FUBP3: variants seen among roughly 807,000 people sequenced by gnomAD.
FUBP3 encodes far upstream element-binding protein 3.
Under a neutral mutation model 85.6 loss-of-function variants are expected in FUBP3, and 28 were observed. The ratio of observed to expected loss-of-function variants is 0.33; its 90% CI spans 0.24 to 0.45. The LOEUF (loss-of-function observed/expected upper bound fraction) is 0.45. Among genes scored for constraint, FUBP3 ranks in the 20% least tolerant of loss-of-function variants. The probability of loss-of-function intolerance (pLI) is 1.00; values close to 1 mark genes in which losing one functional copy is unlikely to be tolerated. For missense variants in FUBP3, 583 were observed against 755.1 expected (o/e 0.77, Z 2.67); for synonymous variants, 271 against 271.4 (o/e 1.00, Z 0.01).
chr9:130,579,582 C>A lies in FUBP3; in HGVS notation c.-99C>A. 1 of 745,350 alleles carries A rather than the reference C, an allele frequency of 1.3e-6. No homozygotes were observed. Among genetic ancestry groups the A allele is most frequent in the Non-Finnish European group, 1.8e-6 (1 of 547,344 alleles). The allele number at this position is 745,350 out of a possible 1,614,324, so 46.2% of individuals were successfully genotyped here. A position where few individuals can be genotyped will look rare whatever the true frequency, so the allele number is the denominator to read the frequency against. Reference sequence around the variant, plus strand: ...CCGGAAGTAGGGCGACTTTCCTTTTCCGGCTACGGGTCCCCAAGCGGAGCG... The same window carrying A: ...CCGGAAGTAGGGCGACTTTCCTTTTACGGCTACGGGTCCCCAAGCGGAGCG... On this transcript the variant is annotated 5_prime_UTR_variant, in exon 1 of 19. Coordinates refer to ENST00000319725, the MANE Select transcript of FUBP3 (RefSeq NM_003934.2).
chr9:130,597,270 A>G (rs1353110222), intron 2 of FUBP3, among the ~76,000 whole-genome samples: 1 of 152,208 alleles, frequency 6.6e-6, no homozygotes, highest in Non-Finnish European at 1.5e-5. Context: ...GTTTTTAAAT[A>G]GACCCAAATA....
intron 1 of FUBP3, chr9:130,581,498 A>G (rs1435778308): frequency 6.6e-6 from 1 of 152,204 alleles, no homozygotes; most frequent in Admixed American, 6.5e-5. Context: ...GCCTTTAAAA[A>G]CTAAAGAAAA....
chr9:130,596,881 C>G (rs141536268), intron 2 of FUBP3, among the ~76,000 whole-genome samples: 1 of 152,086 alleles, frequency 6.6e-6, no homozygotes, highest in African/African-American at 2.4e-5. Context: ...ACGGGGGTAT[C>G]CATCCCCTCA....
In FUBP3 at chr9:130,637,321, A is replaced by G. The variant is rs1226861137; in HGVS notation, c.*299A>G. The G allele has an allele frequency of 5.2e-5, 20 of 383,396 alleles. No individual in the cohort carries two copies. The highest frequency in any genetic ancestry group is 5.1e-4 in the East Asian group (11 of 21,478). The allele number at this position is 383,396 out of a possible 1,614,324, so 23.7% of individuals were successfully genotyped here. On this transcript the variant is annotated 3_prime_UTR_variant, in exon 19 of 19. Transcript: ENST00000319725. ...TGCCTCAGAGCTGTGACATTTCAACATGATGGTTTTGGTTTGGTTTGGTTT... is the reference window on the plus strand; with the variant it reads ...TGCCTCAGAGCTGTGACATTTCAACGTGATGGTTTTGGTTTGGTTTGGTTT...
At chr9:130,594,724 A>C (rs1352897187) in intron 1 of FUBP3, among the ~76,000 whole-genome samples, 4 of 152,104 alleles carry the variant, frequency 2.6e-5, no homozygotes, top group Admixed American at 6.5e-5. Flanking sequence ...ACATCACTGC[A>C]CTCCAGCCTG....
At chr9:130,606,395 C>G (rs559334365) in intron 2 of FUBP3, among the ~76,000 whole-genome samples, 42 of 152,308 alleles carry the variant, frequency 2.8e-4, no homozygotes, top group Middle Eastern at 3.4e-3. Context: ...CCCACCCCCC[C>G]CCAACAGACT....
intron 1 of FUBP3, among the ~76,000 whole-genome samples, chr9:130,587,047 C>T (rs190423342): frequency 0.015 from 1,976 of 128,790 alleles, 48 homozygotes; most frequent in African/African-American, 0.056. Flanking sequence ...CTGCACCCGG[C>T]GTTTTTTGTT....
At chr9:130,603,730 G>A (rs1831282439) in intron 2 of FUBP3, among the ~76,000 whole-genome samples, 3 of 152,198 alleles carry the variant, frequency 2.0e-5, no homozygotes, top group Admixed American at 1.3e-4. Context: ...TACAATGCCT[G>A]TTACATTCTT....
At chr9:130,601,174 A>G (rs533012372) in intron 2 of FUBP3, among the ~76,000 whole-genome samples, 18 of 152,130 alleles carry the variant, frequency 1.2e-4, no homozygotes, top group Admixed American at 3.3e-4. Flanking sequence ...TGATGAAAAC[A>G]TTTTCTTCAT....
intron 16 of FUBP3, among the ~76,000 whole-genome samples, chr9:130,634,075 C>CT (rs1337016938): frequency 6.6e-6 from 1 of 152,204 alleles, no homozygotes; most frequent in Non-Finnish European, 1.5e-5. Context: ...CCCATGCTGG[C>CT]TGTTTCTCCG....
chr9:130,628,642 C>T (rs1167474892), intron 12 of FUBP3, among the ~76,000 whole-genome samples: 2 of 152,214 alleles, frequency 1.3e-5, no homozygotes, highest in African/African-American at 4.8e-5. Context: ...GATTCTCAGT[C>T]GCAGACACTC....
Position 130,616,404 on chromosome 9 carries a change from C to A in FUBP3, c.454C>A (p.Pro152Thr). 1 of 1,614,072 alleles carries A rather than the reference C, an allele frequency of 6.2e-7. No individual in the cohort carries two copies. The highest frequency in any genetic ancestry group is 1.1e-5 in the South Asian group (1 of 91,084). The stretch of plus-strand genomic sequence containing the variant: ...GATTGTGGACCGCTGTCGAAATGGA[C>A]CTGGCTTTCATAATGACATAGACAG... Reference protein sequence around the residue: ...GQIVDRCRNGPGFHNDIDSNS... With the variant: ...GQIVDRCRNGTGFHNDIDSNS... Residue 152 changes from proline to threonine, a missense_variant, in exon 7 of 19, where the codon CCT (proline) becomes ACT (threonine). By Grantham distance (38) the Pro-to-Thr change is conservative. Transcript: ENST00000319725. The surrounding 1 kb of genome is among the most constrained non-coding windows in gnomAD (Gnocchi z 4.7).
intron 1 of FUBP3, among the ~76,000 whole-genome samples, chr9:130,591,475 TTAATTC>T (rs149052506): frequency 0.048 from 7,244 of 152,232 alleles, 268 homozygotes; most frequent in South Asian, 0.072. Flanking sequence ...GCATTACAGT[TTAATTC>T]TATTAGGCAT....
intron 2 of FUBP3, among the ~76,000 whole-genome samples, chr9:130,606,912 CT>C (rs1460136512): frequency 6.6e-6 from 1 of 151,460 alleles, no homozygotes. Flanking sequence ...AAAATGAAAT[CT>C]TTTTTTCTTC....
chr9:130,581,337 T>C (rs1010021721), intron 1 of FUBP3: 15 of 152,226 alleles, frequency 9.9e-5, no homozygotes, highest in African/African-American at 3.6e-4. Flanking sequence ...TGGTGTTTAC[T>C]ACTAGCAGTG....
At chr9:130,589,312 T>G (rs887324350) in intron 1 of FUBP3, among the ~76,000 whole-genome samples, 1 of 152,000 alleles carries the variant, frequency 6.6e-6, no homozygotes, top group African/African-American at 2.4e-5. Flanking sequence ...TTCAATACAT[T>G]ATTTAATATT....
At chr9:130,629,061 G>A (rs118144720) in intron 12 of FUBP3, among the ~76,000 whole-genome samples, 2,877 of 152,288 alleles carry the variant, frequency 0.019, 32 homozygotes, top group Non-Finnish European at 0.031. Context: ...GAGCCACCGC[G>A]CCTGGCCAAG....
chr9:130,626,079 G>A (rs149338016), intron 11 of FUBP3, among the ~76,000 whole-genome samples: 13 of 152,296 alleles, frequency 8.5e-5, no homozygotes, highest in East Asian at 3.9e-4. Flanking sequence ...GAGAAAGGCC[G>A]CTGGGCTTCA....
At chr9:130,607,841 T>G (rs1250299829) in intron 2 of FUBP3, among the ~76,000 whole-genome samples, 2 of 152,248 alleles carry the variant, frequency 1.3e-5, no homozygotes, top group African/African-American at 2.4e-5. Context: ...GAGTTGACTC[T>G]GGACTTGAAC....
Sources: gnomAD v4.1 joint callset for allele counts (sites outside exome capture counted in the v4.1 genomes callset) on GRCh38, gnomAD v4.1.1 for gene constraint, Gnocchi (gnomAD v3.1) non-coding constraint, MANE v1.5 for transcripts, NCBI Gene and HGNC (gene_info 2026-07-23, HGNC 2026-07-21) for gene names.